EYS: variants seen among roughly 807,000 people sequenced by gnomAD.
The protein encoded by EYS is protein eyes shut homolog.
A neutral mutation model predicts 282.1 loss-of-function variants in EYS; 250 were observed. That is an observed-to-expected ratio of 0.89 (90% CI 0.80 to 0.98). The LOEUF (loss-of-function observed/expected upper bound fraction) is 0.98, where lower values mean the gene tolerates loss of function less well. EYS is among the 50% of genes least tolerant of loss of function. The pLI is 0.00. For missense variants in EYS, 4,016 were observed against 3,709.0 expected, an observed-to-expected ratio of 1.08 and a Z score of -2.15; for synonymous variants, 1,355 against 1,282.9, an observed-to-expected ratio of 1.06 and a Z score of -1.20.
chr6:65,255,502 T>C (rs1239192432), intron 12 of EYS, among the ~76,000 whole-genome samples: 1 of 151,666 alleles, frequency 6.6e-6, no homozygotes, highest in African/African-American at 2.4e-5. Context: ...CAAAGCAAAA[T>C]GTAAAAGTGG....
chr6:65,033,256 A>G (rs1016182097), intron 13 of EYS, among the ~76,000 whole-genome samples: 1 of 152,190 alleles, frequency 6.6e-6, no homozygotes, highest in Non-Finnish European at 1.5e-5. Context: ...CAGCCTGGTC[A>G]TATGGAAGAG....
intron 22 of EYS, among the ~76,000 whole-genome samples, chr6:64,749,484 G>T (rs984539324): frequency 6.6e-6 from 1 of 152,052 alleles, no homozygotes; most frequent in Non-Finnish European, 1.5e-5. Context: ...ACTTACATTT[G>T]AAAATTTATC....
chr6:64,357,464 T>C (rs535601569), intron 29 of EYS, among the ~76,000 whole-genome samples: 2 of 151,708 alleles, frequency 1.3e-5, no homozygotes, highest in African/African-American at 4.8e-5. Flanking sequence ...ATTCTAAATA[T>C]TTTTTTCAAG....
At chr6:63,878,805 C>T (rs1468360902) in intron 35 of EYS, among the ~76,000 whole-genome samples, 5 of 152,204 alleles carry the variant, frequency 3.3e-5, no homozygotes, top group African/African-American at 1.2e-4. Flanking sequence ...CCTGGTGTGC[C>T]ATTTGCTAAG....
chr6:63,790,977 C>T (rs1202067658), intron 37 of EYS, among the ~76,000 whole-genome samples: 2 of 152,146 alleles, frequency 1.3e-5, no homozygotes, highest in African/African-American at 2.4e-5. Context: ...CCATTTCATG[C>T]CAGGAGCATC....
intron 5 of EYS, among the ~76,000 whole-genome samples, chr6:65,410,143 CT>C (rs1300134518): frequency 6.6e-6 from 1 of 151,962 alleles, no homozygotes; most frequent in East Asian, 1.9e-4. Context: ...TTGAATGATA[CT>C]ACCTTATAAG....
chr6:65,410,884 T>G (rs2150369716), intron 5 of EYS, among the ~76,000 whole-genome samples: 1 of 152,104 alleles, frequency 6.6e-6, no homozygotes, highest in East Asian at 1.9e-4. Context: ...AATTAAATTC[T>G]GCTATTTGTG....
chr6:65,658,100 A>G (rs1582571616), intron 1 of EYS, among the ~76,000 whole-genome samples: 1 of 151,918 alleles, frequency 6.6e-6, no homozygotes, highest in Non-Finnish European at 1.5e-5. Flanking sequence ...CATAAGCTTT[A>G]TATGTGCTGG....
intron 22 of EYS, among the ~76,000 whole-genome samples, chr6:64,807,539 G>A (rs1764468012): frequency 6.6e-6 from 1 of 152,006 alleles, no homozygotes; most frequent in African/African-American, 2.4e-5. Flanking sequence ...ATATAGTTTG[G>A]GAATGGCAAA....
chr6:64,362,123 C>T (rs643672), intron 29 of EYS, among the ~76,000 whole-genome samples: 103,646 of 151,194 alleles, frequency 0.69, 35,539 homozygotes, highest in South Asian at 0.71. Flanking sequence ...CCATTTATCT[C>T]CTCATAATTT....
chr6:65,575,317 A>G (rs1026996029), intron 2 of EYS, among the ~76,000 whole-genome samples: 6 of 147,124 alleles, frequency 4.1e-5, no homozygotes, highest in African/African-American at 1.6e-4. Context: ...ACAGAGTGGG[A>G]CTTCCTCTCT....
chr6:64,208,520 G>A (rs1311054533), intron 31 of EYS, among the ~76,000 whole-genome samples: 3 of 151,676 alleles, frequency 2.0e-5, no homozygotes, highest in Admixed American at 6.6e-5. Context: ...ACAAAATAAC[G>A]GTATATTACA....
At chr6:65,544,983 A>G (rs541323506) in intron 2 of EYS, among the ~76,000 whole-genome samples, 6 of 152,288 alleles carry the variant, frequency 3.9e-5, no homozygotes, top group African/African-American at 1.2e-4. Context: ...TTATGTAAAA[A>G]GTTATTTTAT....
At chr6:65,694,328 A>G (rs1769357879) in intron 1 of EYS, among the ~76,000 whole-genome samples, 1 of 150,118 alleles carries the variant, frequency 6.7e-6, no homozygotes, top group Admixed American at 6.7e-5. Flanking sequence ...GTAAACTAGT[A>G]TGTAAATATT....
At chr6:64,038,868 G>C (rs550497814) in intron 33 of EYS, among the ~76,000 whole-genome samples, 1 of 151,498 alleles carries the variant, frequency 6.6e-6, no homozygotes, top group African/African-American at 2.4e-5. Context: ...GCAGTCGCGC[G>C]ATCTTGGCTC....
At chr6:64,071,693 T>G (rs1326413104) in intron 32 of EYS, among the ~76,000 whole-genome samples, 1 of 148,938 alleles carries the variant, frequency 6.7e-6, no homozygotes, top group Non-Finnish European at 1.5e-5. Flanking sequence ...CTCCTGATGC[T>G]AAATGACATG....
chr6:64,591,717 A>T lies in EYS; in HGVS notation c.4150T>A (p.Phe1384Ile), dbSNP rs1341862225. 3.2e-6 allele frequency: 5 copies of T among 1,551,258 alleles called. No homozygotes were observed. In the African/African-American group the frequency reaches 5.5e-5, roughly 17 times the overall value. ...RTSAATLGFF[F>I]PDRRARTPFI... ...GGGGTCCTTGCTCTCCTATCAGGAA[A>T]AAAGAAACCTAGTGTGGCTGCTGAA... Residue 1384 changes from phenylalanine (F) to isoleucine (I), a missense_variant, in exon 26 of 43, where the codon TTT (phenylalanine) becomes ATT (isoleucine). By Grantham distance (21) the Phe-to-Ile change is conservative. Coordinates refer to ENST00000503581, the MANE Select transcript of EYS (RefSeq NM_001142800.2).
intron 13 of EYS, among the ~76,000 whole-genome samples, chr6:65,031,844 C>T (rs963740916): frequency 6.9e-6 from 1 of 144,444 alleles, no homozygotes; most frequent in African/African-American, 2.7e-5. Context: ...AACAAACAAA[C>T]CTGAAAGTTA....
intron 26 of EYS, among the ~76,000 whole-genome samples, chr6:64,540,564 C>G (rs1196895288): frequency 6.8e-6 from 1 of 147,980 alleles, no homozygotes. Context: ...CTCACTGCAA[C>G]CTCTGCTTCC....
Sources: allele counts gnomAD v4.1 joint callset (sites outside exome capture counted in the v4.1 genomes callset), GRCh38; gene constraint gnomAD v4.1.1; transcripts MANE v1.5; gene names NCBI Gene and HGNC (gene_info 2026-07-23, HGNC 2026-07-21).